ZNF550: variants seen among roughly 807,000 people sequenced by gnomAD.
ZNF550 encodes zinc finger protein 550.
A neutral mutation model predicts 40.2 loss-of-function variants in ZNF550; 42 were observed. The ratio of observed to expected loss-of-function variants is 1.05; its 90% CI spans 0.82 to 1.35. The LOEUF (loss-of-function observed/expected upper bound fraction) is 1.35, where lower values mean the gene tolerates loss of function less well. Ranked by LOEUF, ZNF550 falls within the 40% of genes most tolerant of loss-of-function variation. The pLI is 0.00. For missense variants in ZNF550, 549 were observed against 525.2 expected, an observed-to-expected ratio of 1.05 and a Z score of -0.44; for synonymous variants, 223 against 198.6, an observed-to-expected ratio of 1.12 and a Z score of -1.03.
exon 4 of ZNF550, chr19:57,547,207 A>G (rs150707350): frequency 2.5e-6 from 4 of 1,613,844 alleles, no homozygotes; most frequent in Non-Finnish European, 2.5e-6. Context: ...TCCACATGCC[A>G]TGCAATCATA....
At chr19:57,550,679 G>C (rs1027694465) in intron 3 of ZNF550, among the ~76,000 whole-genome samples, 1 of 152,176 alleles carries the variant, frequency 6.6e-6, no homozygotes, top group African/African-American at 2.4e-5. Context: ...AAACTGCCGA[G>C]GTGCTGGAAA....
At chr19:57,550,743 T>G (rs1043080283) in intron 3 of ZNF550, among the ~76,000 whole-genome samples, 1 of 152,244 alleles carries the variant, frequency 6.6e-6, no homozygotes, top group African/African-American at 2.4e-5. Flanking sequence ...TGCAAAAATT[T>G]AAGCTGAGCC....
At chr19:57,548,517 T>C (rs1011406527) in intron 3 of ZNF550, among the ~76,000 whole-genome samples, 1 of 152,110 alleles carries the variant, frequency 6.6e-6, no homozygotes, top group African/African-American at 2.4e-5. Flanking sequence ...AAATCAAAAC[T>C]ACAATAAGGT....
rs913245070 is a variant in ZNF550, at chr19:57,552,738, G to T, written c.155-16C>A. 5 of 1,568,492 alleles carry T rather than the reference G, an allele frequency of 3.2e-6. No individual in the cohort carries two copies. The highest frequency in any genetic ancestry group is 4.3e-6 in the Non-Finnish European group (5 of 1,153,624). ...ACCCGATGCCCTGTTGATAGCAAAA[G>T]AAATAGAATAGGGGTAATTTAATGA... On this transcript the variant is annotated splice_polypyrimidine_tract_variant and intron_variant, in intron 2 of 4. Transcript: ENST00000457177.
exon 1 of ZNF550, chr19:57,559,713 G>C (rs984404402): frequency 1.4e-6 from 2 of 1,463,442 alleles, no homozygotes; most frequent in African/African-American, 2.8e-5. Context: ...GCCGCGTGGG[G>C]CAGCTCCCAC....
At chr19:57,551,164 C>T (rs1412551689) in intron 3 of ZNF550, among the ~76,000 whole-genome samples, 1 of 152,052 alleles carries the variant, frequency 6.6e-6, no homozygotes, top group Non-Finnish European at 1.5e-5. Context: ...AGATCTCCTC[C>T]ATAGAGGACA....
intron 3 of ZNF550, among the ~76,000 whole-genome samples, chr19:57,552,058 T>C (rs2090077072): frequency 6.6e-6 from 1 of 152,238 alleles, no homozygotes; most frequent in African/African-American, 2.4e-5. Context: ...TGATTAAAAC[T>C]GTTCATGCAT....
exon 4 of ZNF550, chr19:57,547,455 C>A: frequency 3.1e-6 from 5 of 1,614,124 alleles, no homozygotes; most frequent in Non-Finnish European, 4.2e-6. Flanking sequence ...CCTTCCCACA[C>A]TCAAGGCACT....
At chr19:57,549,026 T>C (rs2090049389) in intron 3 of ZNF550, among the ~76,000 whole-genome samples, 1 of 152,150 alleles carries the variant, frequency 6.6e-6, no homozygotes. Flanking sequence ...AGTAGGATCC[T>C]ACTCCATGGA....
At chr19:57,561,255 G>A (rs1253101481), upstream of ZNF550, among the ~76,000 whole-genome samples, 1 of 152,170 alleles carries the variant, frequency 6.6e-6, no homozygotes, top group Non-Finnish European at 1.5e-5. The surrounding 1 kb of genome is among the most constrained non-coding windows in gnomAD (Gnocchi z 4.9). Context: ...GCTTCTTGAA[G>A]TATAATTCCC....
At chr19:57,558,643 CAA>C (rs1483639704) in intron 1 of ZNF550, among the ~76,000 whole-genome samples, 2 of 152,050 alleles carry the variant, frequency 1.3e-5, no homozygotes, top group Non-Finnish European at 2.9e-5. Context: ...GCAAGGAGAC[CAA>C]AGAGACTCTG....
intron 2 of ZNF550, chr19:57,553,433 T>C (rs577378607): frequency 6.6e-6 from 1 of 152,324 alleles, no homozygotes; most frequent in African/African-American, 2.4e-5. Flanking sequence ...CTTTCTTTCT[T>C]TCTTTTTTTG....
intron 1 of ZNF550, among the ~76,000 whole-genome samples, chr19:57,559,216 A>ACGGACACACACACATCACCCAGGGAGC (rs2090148168): frequency 1.3e-5 from 2 of 152,150 alleles, no homozygotes; most frequent in Non-Finnish European, 2.9e-5. Flanking sequence ...GTGCACTGAG[A>ACGGACACACACACATCACCCAGGGAGC]CGGACACACA....
chr19:57,547,636 T>A, exon 4 of ZNF550: 2 of 1,614,222 alleles, frequency 1.2e-6, no homozygotes, highest in Non-Finnish European at 1.7e-6. Flanking sequence ...CTTGCATTTG[T>A]AGGGGTTTGT....
At chr19:57,547,662 G>A in exon 4 of ZNF550, 8 of 1,614,158 alleles carry the variant, frequency 5.0e-6, no homozygotes, top group Non-Finnish European at 6.8e-6. Flanking sequence ...CATGAATCAA[G>A]GCGTCTTTCC....
intron 4 of ZNF550, among the ~76,000 whole-genome samples, chr19:57,546,052 A>T (rs1450011228): frequency 6.6e-6 from 1 of 152,086 alleles, no homozygotes; most frequent in Non-Finnish European, 1.5e-5. Context: ...TCAAAGCCTT[A>T]AACAGTCTTA....
At chr19:57,556,096 A>G in intron 2 of ZNF550, 135 bp downstream of exon 2, 1 of 1,172,742 alleles carries the variant, frequency 8.5e-7, no homozygotes, top group Non-Finnish European at 1.3e-6. Flanking sequence ...TCTGATGCAG[A>G]CAAAGGGAGA....
chr19:57,559,855 G>A, exon 1 of ZNF550: 1 of 506,638 alleles, frequency 2.0e-6, no homozygotes, highest in Non-Finnish European at 3.2e-6. Flanking sequence ...CAGCGAGGCC[G>A]GAAGTCCCGC....
chr19:57,557,534 G>C (rs1861122156), intron 1 of ZNF550: 1 of 152,076 alleles, frequency 6.6e-6, no homozygotes, highest in Non-Finnish European at 1.5e-5. Flanking sequence ...AATACTGAGA[G>C]AACTCAGAGA....
Sources: allele counts gnomAD v4.1 joint callset (sites outside exome capture counted in the v4.1 genomes callset), GRCh38; gene constraint gnomAD v4.1.1; non-coding constraint Gnocchi (gnomAD v3.1); transcripts MANE v1.5; gene names NCBI Gene and HGNC (gene_info 2026-07-23, HGNC 2026-07-21).